The following ZNF638 variants were observed in gnomAD, a reference collection of about 807,000 sequenced individuals.
ZNF638 encodes CTCL tumor antigen se33-1.
Under a neutral mutation model 195.6 loss-of-function variants are expected in ZNF638, and 46 were observed. That is an observed-to-expected ratio of 0.24 (90% CI 0.19 to 0.30). The LOEUF (loss-of-function observed/expected upper bound fraction) is 0.30. Among genes scored for constraint, ZNF638 ranks in the 10% least tolerant of loss-of-function variants. The pLI is 1.00. For synonymous variants in ZNF638, 845 were observed against 772.0 expected (o/e 1.09, Z -1.57); for missense variants, 2,440 against 2,325.3 (o/e 1.05, Z -1.01).
chr2:71,379,309 A>G (rs1472415709), intron 8 of ZNF638, among the ~76,000 whole-genome samples: 3 of 152,162 alleles, frequency 2.0e-5, no homozygotes, highest in African/African-American at 7.2e-5. Flanking sequence ...AGAAAATTCC[A>G]GAAATAAACA....
At chr2:71,375,275 G>T (rs996908484) in intron 8 of ZNF638, 2 of 152,158 alleles carry the variant, frequency 1.3e-5, no homozygotes, top group Non-Finnish European at 2.9e-5. Flanking sequence ...CTAGTGGATT[G>T]TTAACAAATA....
intron 21 of ZNF638, among the ~76,000 whole-genome samples, chr2:71,421,190 G>C (rs532535335): frequency 1.1e-4 from 16 of 152,092 alleles, no homozygotes; most frequent in Non-Finnish European, 1.5e-5. Flanking sequence ...AATGAGTCTT[G>C]TAATTTAAAG....
At chr2:71,337,561 A>G (rs2078691937) in intron 1 of ZNF638, among the ~76,000 whole-genome samples, 1 of 142,256 alleles carries the variant, frequency 7.0e-6, no homozygotes, top group African/African-American at 2.6e-5. Context: ...GCGCACCACC[A>G]TGCCTGGCTA....
chr2:71,400,391 C>A, intron 14 of ZNF638, 87 bp from the exon 15 acceptor site: 1 of 1,317,542 alleles, frequency 7.6e-7, no homozygotes, highest in Non-Finnish European at 1.1e-6. Flanking sequence ...TACACGTTTT[C>A]ATGTAGCTAC....
At chr2:71,333,373 C>T (rs2078607326) in intron 1 of ZNF638, among the ~76,000 whole-genome samples, 1 of 152,176 alleles carries the variant, frequency 6.6e-6, no homozygotes, top group Admixed American at 6.5e-5. Flanking sequence ...GAAGAAATCA[C>T]AAAATCTTAT....
chr2:71,388,283 G>A (rs1297663448), intron 10 of ZNF638: 2 of 389,962 alleles, frequency 5.1e-6, no homozygotes, highest in African/African-American at 2.1e-5. Context: ...ATCTAGATAA[G>A]TTTATTTACT....
At chr2:71,418,807 A>G (rs1397544502) in intron 21 of ZNF638, among the ~76,000 whole-genome samples, 168 bp downstream of exon 21, 1 of 152,156 alleles carries the variant, frequency 6.6e-6, no homozygotes, top group Non-Finnish European at 1.5e-5. Context: ...AGCCTGACCT[A>G]GGAGTTTCGT....
intron 11 of ZNF638, among the ~76,000 whole-genome samples, chr2:71,396,486 T>C (rs2079897267): frequency 6.6e-6 from 1 of 152,236 alleles, no homozygotes; most frequent in South Asian, 2.1e-4. Flanking sequence ...AATAGTTCAA[T>C]AAATATGATC....
At chr2:71,401,863 C>T in intron 15 of ZNF638, 93 bp from the exon 16 acceptor site, 1 of 1,122,122 alleles carries the variant, frequency 8.9e-7, no homozygotes, top group Non-Finnish European at 1.2e-6. Flanking sequence ...TTAAATGCAA[C>T]AATATACTAA....
intron 8 of ZNF638, among the ~76,000 whole-genome samples, chr2:71,378,208 C>G (rs1348638188): frequency 6.6e-6 from 1 of 152,016 alleles, no homozygotes; most frequent in East Asian, 1.9e-4. Flanking sequence ...AGATAATTTT[C>G]GTGTGAAATG....
chr2:71,395,213 C>T, intron 10 of ZNF638: 1 of 717,118 alleles, frequency 1.4e-6, no homozygotes, highest in Non-Finnish European at 2.6e-6. Context: ...ACTAATTATA[C>T]TCATGTTTGT....
At chr2:71,373,545 C>T (rs1452110365) in intron 8 of ZNF638, among the ~76,000 whole-genome samples, 3 of 146,012 alleles carry the variant, frequency 2.1e-5, no homozygotes, top group African/African-American at 5.1e-5. Flanking sequence ...CCCGGGTTCA[C>T]GTCATTCTCC....
Position 71,380,507 on chromosome 2 carries a change from A to G in ZNF638, c.2325-6A>G, listed in dbSNP as rs2079517296. 6.3e-7 allele frequency: 1 copy of G among 1,598,078 alleles called. No individual in the cohort carries two copies. Among genetic ancestry groups the G allele is most frequent in the African/African-American group, 1.4e-5 (1 of 74,060 alleles). ...TTGCTGCTAAATTTTTTCTCCTTTT[A>G]AATAGAAGAGATGCAGATGCTTCAA... On this transcript the variant is annotated splice_polypyrimidine_tract_variant and splice_region_variant and intron_variant, in intron 9 of 27. Coordinates refer to ENST00000264447, the MANE Select transcript of ZNF638 (RefSeq NM_014497.5).
intron 1 of ZNF638, among the ~76,000 whole-genome samples, chr2:71,341,057 C>T (rs1049464556): frequency 1.3e-5 from 2 of 152,164 alleles, no homozygotes; most frequent in African/African-American, 4.8e-5. Flanking sequence ...TAAGGGCTCC[C>T]TTCCTTCTGA....
intron 19 of ZNF638, chr2:71,407,877 T>C (rs1237368512): frequency 6.2e-6 from 2 of 325,026 alleles, no homozygotes; most frequent in Non-Finnish European, 1.1e-5. Context: ...AGCTGAGTAA[T>C]AATTCTGTTT....
chr2:71,341,459 A>AC (rs948698837), intron 1 of ZNF638, among the ~76,000 whole-genome samples: 9 of 150,638 alleles, frequency 6.0e-5, no homozygotes, highest in Admixed American at 1.3e-4. Flanking sequence ...AATATACCCC[A>AC]CCCCCCCATC....
chr2:71,335,742 T>G (rs532702954), intron 1 of ZNF638, among the ~76,000 whole-genome samples: 33 of 152,328 alleles, frequency 2.2e-4, no homozygotes, highest in African/African-American at 7.9e-4. Flanking sequence ...TCTAGAGTGT[T>G]TAGAAGAAAA....
chr2:71,358,034 C>G lies in ZNF638; in HGVS notation c.1379+2254C>G, dbSNP rs543501005. On this transcript the variant is annotated intron_variant, in intron 3 of 27. Coordinates refer to ENST00000264447, the MANE Select transcript of ZNF638 (RefSeq NM_014497.5). ...TGGGCCACCATTCCCTTCCGAGGCT[C>G]TGGGGGAAAATCTGTTCCATGCTTC... Among the ~76,000 whole-genome samples the G allele has an allele frequency of 2.0e-5, 3 of 152,278 alleles. No individual in the cohort carries two copies. In the East Asian group the frequency reaches 5.8e-4, roughly 29 times the overall value.
At position 71,433,253 on chromosome 2, in the gene ZNF638, C is replaced by T. The variant is rs1169337907; in HGVS notation, c.5841C>T (p.Cys1947=). ...GTGAAAAAGCAATGACAAATCACTG[C>T]AAGAGTACACGTCATAAGCAAAATA... ...YSGEKAMTNH[C]KSTRHKQNTE... is the part of the protein sequence containing the mutation. The change falls in exon 27 of 28, where the codon TGC becomes TGT. Residue 1947 remains cysteine, a synonymous_variant. Transcript: ENST00000264447. The T allele has an allele frequency of 3.1e-6, 5 of 1,613,654 alleles. No homozygotes were observed. The highest frequency in any genetic ancestry group is 3.3e-5 in the Admixed American group (2 of 59,990).
Sources: allele counts gnomAD v4.1 joint callset (sites outside exome capture counted in the v4.1 genomes callset), GRCh38; gene constraint gnomAD v4.1.1; transcripts MANE v1.5; gene names NCBI Gene and HGNC (gene_info 2026-07-23, HGNC 2026-07-21).